ACTR3B: variants seen among roughly 807,000 people sequenced by gnomAD.
ACTR3B encodes the protein actin-related protein 3B.
ACTR3B carries 8 observed loss-of-function variants against 59.0 expected under a neutral mutation model. The ratio of observed to expected loss-of-function variants is 0.14; its 90% CI spans 0.08 to 0.24. The LOEUF is 0.24. Ranked by LOEUF, ACTR3B falls within the 10% of genes least tolerant of loss-of-function variation. The probability of loss-of-function intolerance (pLI) is 1.00; values close to 1 mark genes in which losing one functional copy is unlikely to be tolerated. For synonymous variants in ACTR3B, 148 were observed against 197.9 expected (o/e 0.75, Z 2.12); for missense variants, 245 against 552.3 (o/e 0.44, Z 5.58).
intron 4 of ACTR3B, among the ~76,000 whole-genome samples, chr7:152,803,854 A>C (rs3864526): frequency 6.6e-6 from 1 of 152,004 alleles, no homozygotes; most frequent in Non-Finnish European, 1.5e-5. Flanking sequence ...GAATTCTGCA[A>C]GTCATTCTGT....
Position 152,823,646 on chromosome 7 carries a change from T to G in ACTR3B, c.858+131T>G, listed in dbSNP as rs3864524. ...CGTCATTCGGTCTCTCTGCATCCCC[T>G]GTGCAGTTTGTCTGCTTGACAGATT... On this transcript the variant is annotated intron_variant, in intron 8 of 11. Coordinates refer to ENST00000256001, the MANE Select transcript of ACTR3B (RefSeq NM_020445.6). 2,039 of 1,118,106 alleles carry G rather than the reference T, an allele frequency of 1.8e-3. No homozygotes were observed. In the African/African-American group the frequency reaches 0.028, roughly 15 times the overall value. The allele number at this position is 1,118,106 out of a possible 1,614,324, so 69.3% of individuals were successfully genotyped here.
chr7:152,792,781 C>G (rs2098201310), intron 2 of ACTR3B, among the ~76,000 whole-genome samples: 1 of 151,910 alleles, frequency 6.6e-6, no homozygotes, highest in Non-Finnish European at 1.5e-5. Flanking sequence ...ACAAAAACAA[C>G]AACAACAAAA....
Position 152,800,602 on chromosome 7 carries a change from C to T in ACTR3B, c.172C>T (p.Leu58Phe). Residue 58 changes from leucine (L) to phenylalanine (F), a missense_variant, in exon 3 of 12, where the codon CTT (leucine) becomes TTT (phenylalanine). Transcript: ENST00000256001. ...QRRVLRGVDD[L>F]DFFIGDEAID... The stretch of plus-strand genomic sequence containing the variant: ...GAGAGTGTTGAGGGGAGTTGATGAC[C>T]TTGACTTTTTCATAGGAGATGAAGC... 1 of 1,613,968 alleles carries T rather than the reference C, an allele frequency of 6.2e-7. No individual in the cohort carries two copies. Among genetic ancestry groups the T allele is most frequent in the Non-Finnish European group, 8.5e-7 (1 of 1,179,960 alleles).
At chr7:152,778,977 A>C (rs2098143250) in intron 1 of ACTR3B, among the ~76,000 whole-genome samples, 2 of 133,662 alleles carry the variant, frequency 1.5e-5, no homozygotes, top group Admixed American at 1.6e-4. Flanking sequence ...AAAAAAAAAA[A>C]AAAAAAAAGG....
chr7:152,837,457 A>G (rs1395304334), intron 9 of ACTR3B, among the ~76,000 whole-genome samples: 1 of 152,264 alleles, frequency 6.6e-6, no homozygotes, highest in Non-Finnish European at 1.5e-5. Context: ...GAGTTGAAAA[A>G]TAATAAGCTC....
At chr7:152,837,037 A>G (rs28758538) in intron 9 of ACTR3B, among the ~76,000 whole-genome samples, 23,710 of 148,124 alleles carry the variant, frequency 0.16, no homozygotes, top group African/African-American at 0.31. Context: ...TTAGCTGGAT[A>G]TGGTGGCATG....
intron 2 of ACTR3B, among the ~76,000 whole-genome samples, chr7:152,800,130 A>C (rs1283461842): frequency 6.6e-6 from 1 of 152,186 alleles, no homozygotes; most frequent in African/African-American, 2.4e-5. Flanking sequence ...TATAGACATT[A>C]TTTTTCAGTT....
chr7:152,850,524 G>A (rs534297502), intron 9 of ACTR3B, among the ~76,000 whole-genome samples: 5 of 152,024 alleles, frequency 3.3e-5, no homozygotes, highest in East Asian at 1.9e-4. Context: ...ATGGAAGGCC[G>A]GATCACTGGT....
At chr7:152,798,970 G>C (rs1256589118) in intron 2 of ACTR3B, among the ~76,000 whole-genome samples, 1 of 152,152 alleles carries the variant, frequency 6.6e-6, no homozygotes, top group African/African-American at 2.4e-5. Flanking sequence ...TCCCTTGACT[G>C]TTTGGGGTCT....
At chr7:152,789,023 A>ACAACAAC (rs2098184558) in intron 2 of ACTR3B, among the ~76,000 whole-genome samples, 1 of 146,448 alleles carries the variant, frequency 6.8e-6, no homozygotes, top group African/African-American at 2.6e-5. Flanking sequence ...CGCTGTCTCA[A>ACAACAAC]AACAACAACA....
At position 152,851,360 on chromosome 7, in the gene ACTR3B, C is replaced by T. The variant is rs776393422; in HGVS notation, c.952-766C>T. 2.6e-4 allele frequency among the ~76,000 whole-genome samples: 40 copies of T among 152,134 alleles called. 1 individual carries two copies. The highest frequency in any genetic ancestry group is 1.5e-4 in the Non-Finnish European group (10 of 68,016). ...TGGTGAGAGGGCGAGAGGTGAGTGA[C>T]GTAGGTGAGGCCACTGTGGCCTCTG... On this transcript the variant is annotated intron_variant, in intron 9 of 11. Coordinates refer to ENST00000256001, the MANE Select transcript of ACTR3B (RefSeq NM_020445.6).
At chr7:152,831,423 T>C (rs1399865427) in intron 9 of ACTR3B, among the ~76,000 whole-genome samples, 1 of 152,118 alleles carries the variant, frequency 6.6e-6, no homozygotes, top group East Asian at 1.9e-4. Context: ...AGTGTGAGGA[T>C]CTGGGTCCGT....
At chr7:152,804,252 C>G (rs539313334) in intron 4 of ACTR3B, among the ~76,000 whole-genome samples, 1 of 152,204 alleles carries the variant, frequency 6.6e-6, no homozygotes, top group African/African-American at 2.4e-5. Flanking sequence ...CAAAGAGATG[C>G]AGTGCTCTTG....
chr7:152,852,909 A>G (rs1798935143), intron 10 of ACTR3B, among the ~76,000 whole-genome samples: 1 of 151,952 alleles, frequency 6.6e-6, no homozygotes, highest in African/African-American at 2.4e-5. Flanking sequence ...CTCCTGCCTC[A>G]GCCTATTGAG....
intron 1 of ACTR3B, among the ~76,000 whole-genome samples, chr7:152,780,339 C>T (rs6951242): frequency 0.74 from 105,363 of 142,210 alleles, 39,025 homozygotes; most frequent in East Asian, 0.87. Context: ...CTCGAAAGAG[C>T]GAAACTCTGT....
At chr7:152,800,456 A>G (rs541420485) in intron 2 of ACTR3B, 75 bp from the exon 3 acceptor site, 1 of 1,551,270 alleles carries the variant, frequency 6.4e-7, no homozygotes, top group East Asian at 2.3e-5. Context: ...TGTGTATATA[A>G]GGATATTATC....
intron 9 of ACTR3B, among the ~76,000 whole-genome samples, chr7:152,851,616 C>T (rs372621798): frequency 1.2e-4 from 18 of 152,320 alleles, no homozygotes; most frequent in African/African-American, 3.6e-4. Flanking sequence ...GGCCACCGAG[C>T]GAGTCTTGGC....
At chr7:152,805,477 G>A (rs2098249593) in intron 4 of ACTR3B, among the ~76,000 whole-genome samples, 1 of 152,134 alleles carries the variant, frequency 6.6e-6, no homozygotes, top group South Asian at 2.1e-4. Context: ...AAAATAAAAC[G>A]TACCATCCAT....
Position 152,796,870 on chromosome 7 carries a change from T to G in ACTR3B, c.101-3661T>G, listed in dbSNP as rs2098218590. 1.8e-4 allele frequency among the ~76,000 whole-genome samples: 19 copies of G among 105,972 alleles called. 1 individual carries two copies. Among genetic ancestry groups the G allele is most frequent in the South Asian group, 3.7e-4 (1 of 2,728 alleles). The allele number at this position is 105,972 out of a possible 152,430, so 69.5% of individuals were successfully genotyped here. A position where few individuals can be genotyped will look rare whatever the true frequency, so the allele number is the denominator to read the frequency against. ...CCGGCTAGTTTTTGTGTTTTTTTTT[T>G]TTTTTTTTTTTTTTTTTTTTTTTTT... is the stretch of plus-strand genomic sequence containing the variant. On this transcript the variant is annotated intron_variant, in intron 2 of 11. Transcript: ENST00000256001.
Sources: gnomAD v4.1 joint callset for allele counts (sites outside exome capture counted in the v4.1 genomes callset) on GRCh38, gnomAD v4.1.1 for gene constraint, MANE v1.5 for transcripts, NCBI Gene and HGNC (gene_info 2026-07-23, HGNC 2026-07-21) for gene names.